The following WBP1L variants were observed in gnomAD, a reference collection of about 807,000 sequenced individuals.
WBP1L encodes the protein WW domain binding protein 1-like.
Under a neutral mutation model 33.7 loss-of-function variants are expected in WBP1L, and 17 were observed. That is an observed-to-expected ratio of 0.50 (90% confidence interval 0.34 to 0.76). WBP1L has a LOEUF of 0.76. Among genes scored for constraint, WBP1L ranks in the 30% least tolerant of loss-of-function variants. The pLI is 0.01. For missense variants in WBP1L, 389 were observed against 469.4 expected (o/e 0.83, Z 1.58); for synonymous variants, 173 against 190.8 (o/e 0.91, Z 0.77).
rs284856 is a variant in WBP1L at position 102,814,572 on chromosome 10, A to T, written c.*1241A>T. On this transcript the variant is annotated 3_prime_UTR_variant, in exon 4 of 4. Transcript: ENST00000448841. ...AACACCTTGGTTATCTGTGGTTTTC[A>T]TGCCTTGTCCCTGCCTCTACCCCCA... is the stretch of plus-strand genomic sequence containing the variant. 0.57 allele frequency: 84,592 copies of T among 148,536 alleles called. 24,158 individuals carry two copies. Among genetic ancestry groups the T allele is most frequent in the Middle Eastern group, 0.64 (189 of 294 alleles). The allele number at this position is 148,536 out of a possible 1,614,324, so 9.2% of individuals were successfully genotyped here.
chr10:102,748,810 C>T (rs1170412461), intron 1 of WBP1L, among the ~76,000 whole-genome samples: 7 of 152,162 alleles, frequency 4.6e-5, no homozygotes, highest in Admixed American at 3.9e-4. Flanking sequence ...ACTGATTCTG[C>T]TAGGGCAAGA....
chr10:102,746,012 A>G (rs561879460), intron 1 of WBP1L: 1 of 308,730 alleles, frequency 3.2e-6, no homozygotes, highest in South Asian at 1.3e-4. Context: ...GTATCTCGAA[A>G]AGGCTGTCCC....
At chr10:102,767,098 A>T (rs186015451) in intron 1 of WBP1L, among the ~76,000 whole-genome samples, 1 of 152,318 alleles carries the variant, frequency 6.6e-6, no homozygotes, top group Non-Finnish European at 1.5e-5. Flanking sequence ...AAACAAGGCT[A>T]CTTTGTACTT....
At position 102,776,371 on chromosome 10, in the gene WBP1L, G is replaced by A. The variant is rs756581941; in HGVS notation, c.91-21622G>A. ...AAGAGCCCTTTGTTCCAACGTTAGTGTGGACGATGCTCTTGCAGGATGCCT... is the reference window on the plus strand; with the variant it reads ...AAGAGCCCTTTGTTCCAACGTTAGTATGGACGATGCTCTTGCAGGATGCCT... On this transcript the variant is annotated intron_variant, in intron 1 of 3. Transcript: ENST00000448841. 3 of 1,614,040 alleles carry A rather than the reference G, an allele frequency of 1.9e-6. No homozygotes were observed. In the African/African-American group the frequency reaches 4.0e-5, roughly 22 times the overall value.
At chr10:102,776,612 AC>A (rs1410633207) in intron 1 of WBP1L, among the ~76,000 whole-genome samples, 1 of 151,914 alleles carries the variant, frequency 6.6e-6, no homozygotes, top group Non-Finnish European at 1.5e-5. Flanking sequence ...CGTGTTCTTA[AC>A]CCTCTACGTC....
Position 102,814,410 on chromosome 10 carries a change from G to A in WBP1L, c.*1079G>A, listed in dbSNP as rs1378177250. The A allele has an allele frequency of 6.6e-6, 1 of 152,508 alleles. No individual in the cohort carries two copies. The highest frequency in any genetic ancestry group is 1.5e-5 in the Non-Finnish European group (1 of 68,046). The allele number at this position is 152,508 out of a possible 1,614,324, so 9.4% of individuals were successfully genotyped here. Reference sequence around the variant, plus strand: ...GAAACAGACAGCGGACTGAGGAAGCGATGGCCCCAGAGAAAGGGCCCCTGT... The same window carrying A: ...GAAACAGACAGCGGACTGAGGAAGCAATGGCCCCAGAGAAAGGGCCCCTGT... On this transcript the variant is annotated 3_prime_UTR_variant, in exon 4 of 4. Transcript: ENST00000448841.
At chr10:102,756,464 T>C (rs2134028526) in intron 1 of WBP1L, among the ~76,000 whole-genome samples, 1 of 150,244 alleles carries the variant, frequency 6.7e-6, no homozygotes, top group Middle Eastern at 3.4e-3. Context: ...ACAAGATGCA[T>C]TTTTTTTTAA....
intron 2 of WBP1L, among the ~76,000 whole-genome samples, chr10:102,800,569 T>C (rs1843642123): frequency 6.6e-6 from 1 of 152,192 alleles, no homozygotes; most frequent in Admixed American, 6.5e-5. Context: ...GAGAGCAGTG[T>C]CTAGACGGAG....
At chr10:102,754,472 C>G (rs1487659422) in intron 1 of WBP1L, among the ~76,000 whole-genome samples, 1 of 152,142 alleles carries the variant, frequency 6.6e-6, no homozygotes, top group Non-Finnish European at 1.5e-5. Flanking sequence ...GATCTCAGCT[C>G]ACTGCAACCT....
chr10:102,770,290 G>T (rs368899603), intron 1 of WBP1L, among the ~76,000 whole-genome samples: 1 of 151,540 alleles, frequency 6.6e-6, no homozygotes, highest in African/African-American at 2.4e-5. Context: ...AAATGGGTGC[G>T]TGCCCAAACC....
intron 1 of WBP1L, among the ~76,000 whole-genome samples, chr10:102,746,498 A>G (rs1842865581): frequency 6.6e-6 from 1 of 152,022 alleles, no homozygotes; most frequent in Non-Finnish European, 1.5e-5. Context: ...AGTACTAGAT[A>G]TCTATAGTGA....
At chr10:102,760,524 G>A (rs1298710812) in intron 1 of WBP1L, among the ~76,000 whole-genome samples, 2 of 151,764 alleles carry the variant, frequency 1.3e-5, no homozygotes, top group Non-Finnish European at 2.9e-5. Flanking sequence ...TTACGGGCAT[G>A]CACCACCACG....
intron 1 of WBP1L, among the ~76,000 whole-genome samples, chr10:102,750,564 C>T (rs1022656620): frequency 2.3e-4 from 35 of 151,576 alleles, no homozygotes; most frequent in African/African-American, 7.8e-4. Flanking sequence ...CTTGCTCCGT[C>T]GCCCAGGTTG....
chr10:102,801,093 C>T (rs757064254), intron 2 of WBP1L, among the ~76,000 whole-genome samples: 1 of 152,192 alleles, frequency 6.6e-6, no homozygotes, highest in East Asian at 1.9e-4. Context: ...CACACAAGCA[C>T]ACATAGACCT....
intron 1 of WBP1L, among the ~76,000 whole-genome samples, chr10:102,787,663 T>TC (rs1843435357): frequency 6.6e-6 from 1 of 152,058 alleles, no homozygotes; most frequent in Non-Finnish European, 1.5e-5. Flanking sequence ...TGCTGCATCA[T>TC]CCCCCTTCTT....
rs780315389 is a variant in WBP1L at position 102,812,617 on chromosome 10, A to G, written c.378A>G (p.Leu126=). The change falls in exon 4 of 4, where the codon CTA becomes CTG. Residue 126 remains leucine (L), a synonymous_variant. Transcript: ENST00000448841. ...TAGGGTTTTTGCCAAACTATTTACT[A>G]CCTCCTTATGAGGAAGTGGTGAACC... The part of the protein sequence containing the change: ...FYFRFLPNYL[L]PPYEEVVNRP... 1 of 1,590,954 alleles carries G rather than the reference A, an allele frequency of 6.3e-7. No homozygotes were observed. Among genetic ancestry groups the G allele is most frequent in the East Asian group, 2.2e-5 (1 of 44,470 alleles).
rs762751437 is a variant in WBP1L, at chr10:102,798,023, C to G, written c.121C>G (p.Gln41Glu). 1.2e-6 allele frequency: 2 copies of G among 1,613,954 alleles called. No homozygotes were observed. Among genetic ancestry groups the G allele is most frequent in the African/African-American group, 1.3e-5 (1 of 74,906 alleles). Residue 41 changes from glutamine (Q) to glutamate (E), a missense_variant, in exon 2 of 4, where the codon CAA becomes GAA. Gln to Glu is a conservative substitution (Grantham distance 29). Transcript: ENST00000448841. ...DKEACVGTNN[Q>E]SYICDTGHCC... ...GGAAGCCTGTGTGGGTACCAACAAT[C>G]AAAGCTACATCTGTGACACAGGACA...
chr10:102,752,989 C>T (rs900058628), intron 1 of WBP1L, among the ~76,000 whole-genome samples: 4 of 152,140 alleles, frequency 2.6e-5, no homozygotes, highest in Non-Finnish European at 5.9e-5. Flanking sequence ...GAATGCCTGT[C>T]CACCCATACC....
At chr10:102,750,582 A>G (rs968852715) in intron 1 of WBP1L, among the ~76,000 whole-genome samples, 6 of 151,296 alleles carry the variant, frequency 4.0e-5, no homozygotes, top group Non-Finnish European at 8.8e-5. Context: ...TTGGAGTGCA[A>G]ACTCCGCCTC....
Sources: gnomAD v4.1 joint callset for allele counts (sites outside exome capture counted in the v4.1 genomes callset) on GRCh38, gnomAD v4.1.1 for gene constraint, MANE v1.5 for transcripts, NCBI Gene and HGNC (gene_info 2026-07-23, HGNC 2026-07-21) for gene names.